PHIP: variants seen among roughly 807,000 people sequenced by gnomAD.
PHIP encodes PH-interacting protein.
Under a neutral mutation model 236.8 loss-of-function variants are expected in PHIP, and 54 were observed. That is an observed-to-expected ratio of 0.23 (90% CI 0.18 to 0.29). The LOEUF (loss-of-function observed/expected upper bound fraction) is 0.29. Among genes scored for constraint, PHIP ranks in the 10% least tolerant of loss-of-function variants. PHIP has a pLI of 1.00. For synonymous variants in PHIP, 756 were observed against 718.9 expected, an observed-to-expected ratio of 1.05 and a Z score of -0.83; for missense variants, 1,370 against 2,190.8, an observed-to-expected ratio of 0.63 and a Z score of 7.48.
chr6:79,013,437 A>T lies in PHIP; in HGVS notation c.1524+1645T>A, dbSNP rs551733806. Among the ~76,000 whole-genome samples the T allele has an allele frequency of 5.9e-5, 9 of 151,854 alleles. No individual in the cohort carries two copies. In the East Asian group the frequency reaches 1.5e-3, roughly 26 times the overall value. ...TAGAGTTTTCCTATCTCTTATCCATAAAAAGAACCAGAAAAATATCCTCAT... is the reference window on the plus strand; with the variant it reads ...TAGAGTTTTCCTATCTCTTATCCATTAAAAGAACCAGAAAAATATCCTCAT... On this transcript the variant is annotated intron_variant, in intron 15 of 39. Transcript: ENST00000275034.
At chr6:79,026,813 G>C (rs934055544) in intron 7 of PHIP, among the ~76,000 whole-genome samples, 4 of 151,648 alleles carry the variant, frequency 2.6e-5, no homozygotes, top group African/African-American at 4.8e-5. Flanking sequence ...AGCCAAAATA[G>C]AGATAGAACA....
chr6:79,068,368 CAGG>C (rs376127245), intron 4 of PHIP, among the ~76,000 whole-genome samples: 24 of 152,228 alleles, frequency 1.6e-4, no homozygotes, highest in African/African-American at 5.3e-4. Context: ...GAGGCTGAAG[CAGG>C]AGAATTGCCT....
At chr6:79,031,975 C>T (rs904633469) in intron 7 of PHIP, among the ~76,000 whole-genome samples, 1 of 152,174 alleles carries the variant, frequency 6.6e-6, no homozygotes, top group East Asian at 1.9e-4. Flanking sequence ...GGCTCAGTTC[C>T]AGACCACTGC....
At chr6:79,009,029 TATA>T (rs1770439511) in intron 15 of PHIP, among the ~76,000 whole-genome samples, 1 of 152,252 alleles carries the variant, frequency 6.6e-6, no homozygotes, top group African/African-American at 2.4e-5. Flanking sequence ...CAACTACCCC[TATA>T]ATATTTCATG....
intron 9 of PHIP, 39 bp downstream of exon 9, chr6:79,025,480 C>T (rs1562188875): frequency 5.7e-6 from 7 of 1,235,906 alleles, no homozygotes; most frequent in Non-Finnish European, 8.3e-6. Flanking sequence ...ACTCATTAAA[C>T]TAAACACATT....
At position 79,017,610 on chromosome 6, in the gene PHIP, GAAGT is replaced by G. The variant is rs746806628; in HGVS notation, c.995-31_995-28del. 6 of 1,494,520 alleles carry G rather than the reference GAAGT, an allele frequency of 4.0e-6. 1 individual carries two copies. In the South Asian group the frequency reaches 6.8e-5, roughly 17 times the overall value. 92.6% of individuals were successfully genotyped at this position (1,494,520 alleles called of 1,614,324 possible). A position where few individuals can be genotyped will look rare whatever the true frequency, so the allele number is the denominator to read the frequency against. Reference sequence around the variant, plus strand: ...TATGAAGAATAACAGCAATTGTTAAGAAGTAAAACATAACTTCAAAATCTCTGAA... The same window carrying G: ...TATGAAGAATAACAGCAATTGTTAAGAAAACATAACTTCAAAATCTCTGAA... On this transcript the variant is annotated intron_variant, in intron 10 of 39. Transcript: ENST00000275034.
intron 39 of PHIP, among the ~76,000 whole-genome samples, chr6:78,944,941 A>T (rs1225902889): frequency 1.3e-5 from 2 of 151,056 alleles, no homozygotes; most frequent in African/African-American, 2.4e-5. Flanking sequence ...AACCCCAATG[A>T]ATTATTATTT....
intron 6 of PHIP, among the ~76,000 whole-genome samples, chr6:79,046,597 G>A (rs1582279230): frequency 6.6e-6 from 1 of 152,084 alleles, no homozygotes; most frequent in Non-Finnish European, 1.5e-5. Flanking sequence ...ATTAGGTTTA[G>A]TGGGTACAGG....
intron 27 of PHIP, among the ~76,000 whole-genome samples, chr6:78,968,165 C>G (rs1045214966): frequency 1.8e-4 from 27 of 152,040 alleles, no homozygotes; most frequent in Admixed American, 1.3e-4. Context: ...TTTATCATAT[C>G]AAGTAATGTA....
At chr6:78,968,213 A>G (rs1436529093) in intron 27 of PHIP, among the ~76,000 whole-genome samples, 1 of 152,206 alleles carries the variant, frequency 6.6e-6, no homozygotes, top group Non-Finnish European at 1.5e-5. Context: ...CCAAAGGCTG[A>G]TAGCCAAAAC....
At chr6:79,009,520 T>A (rs1770464803) in intron 15 of PHIP, among the ~76,000 whole-genome samples, 1 of 152,042 alleles carries the variant, frequency 6.6e-6, no homozygotes, top group Non-Finnish European at 1.5e-5. Context: ...TCAATATTTA[T>A]CCCTTAAGGT....
At chr6:78,978,772 T>G in intron 23 of PHIP, 61 bp from the exon 24 acceptor site, 1 of 1,331,780 alleles carries the variant, frequency 7.5e-7, no homozygotes, top group Non-Finnish European at 1.1e-6. Flanking sequence ...TCCACAAATC[T>G]ACTCTTTAAA....
intron 35 of PHIP, among the ~76,000 whole-genome samples, chr6:78,951,529 T>C (rs911704395): frequency 7.9e-5 from 12 of 152,170 alleles, no homozygotes. Context: ...AAAAAGTAGA[T>C]TATCCGAAGT....
At chr6:79,017,911 A>G (rs552295386) in intron 10 of PHIP, among the ~76,000 whole-genome samples, 3 of 151,934 alleles carry the variant, frequency 2.0e-5, no homozygotes, top group Admixed American at 2.0e-4. Context: ...TTCTGCTGAA[A>G]TTTTTCTGTT....
chr6:78,952,782 T>C (rs1002086857), intron 35 of PHIP, among the ~76,000 whole-genome samples: 1 of 152,160 alleles, frequency 6.6e-6, no homozygotes, highest in Admixed American at 6.5e-5. Context: ...AATAACATAT[T>C]TTTTCCCTAT....
intron 24 of PHIP, among the ~76,000 whole-genome samples, chr6:78,977,648 A>T (rs1444525608): frequency 6.6e-6 from 1 of 152,198 alleles, no homozygotes; most frequent in African/African-American, 2.4e-5. Flanking sequence ...ATCATTCAAC[A>T]AGGAATTACA....
At position 78,973,980 on chromosome 6, in the gene PHIP, T is replaced by G. The variant is rs570674011; in HGVS notation, c.2890-3092A>C. On this transcript the variant is annotated intron_variant, in intron 24 of 39. Coordinates refer to ENST00000275034, the MANE Select transcript of PHIP (RefSeq NM_017934.7). ...TAGACAGATCAACGAGACAGAAAGT[T>G]AACAAGGATACCCAGGAATTGAACT... 6.2e-4 allele frequency among the ~76,000 whole-genome samples: 95 copies of G among 152,042 alleles called. 1 individual carries two copies. In the South Asian group the frequency reaches 7.9e-3, roughly 13 times the overall value.
At chr6:79,040,891 T>C (rs1365455920) in intron 7 of PHIP, among the ~76,000 whole-genome samples, 1 of 21,660 alleles carries the variant, frequency 4.6e-5, no homozygotes, top group African/African-American at 9.8e-5. Flanking sequence ...ATAAACATCT[T>C]TAGACTTTGG....
chr6:79,041,302 C>T (rs997030130), intron 7 of PHIP, among the ~76,000 whole-genome samples: 4 of 152,046 alleles, frequency 2.6e-5, no homozygotes, highest in African/African-American at 9.7e-5. Flanking sequence ...TCTGTACCTA[C>T]CACACTCATG....
Sources: allele counts gnomAD v4.1 joint callset (sites outside exome capture counted in the v4.1 genomes callset), GRCh38; gene constraint gnomAD v4.1.1; transcripts MANE v1.5; gene names NCBI Gene and HGNC (gene_info 2026-07-23, HGNC 2026-07-21).